NAV2: variants seen among roughly 807,000 people sequenced by gnomAD.
NAV2 encodes helicase, APC down-regulated 1.
A neutral mutation model predicts 223.2 loss-of-function variants in NAV2; 54 were observed. That is an observed-to-expected ratio of 0.24 (90% confidence interval 0.19 to 0.30). The LOEUF is 0.30. Ranked by LOEUF, NAV2 falls within the 10% of genes least tolerant of loss-of-function variation. The pLI is 1.00. For synonymous variants in NAV2, 1,279 were observed against 1,239.3 expected, an observed-to-expected ratio of 1.03 and a Z score of -0.67; for missense variants, 2,806 against 3,147.5, an observed-to-expected ratio of 0.89 and a Z score of 2.60.
rs368451551 is a variant in NAV2, at chr11:19,927,774, A to T, written c.932-5402A>T. ...TTTAGAACAGACTAGAGTAGCATATATCAGAGTTTATTATACATAATAAGA... is the reference window on the plus strand; with the variant it reads ...TTTAGAACAGACTAGAGTAGCATATTTCAGAGTTTATTATACATAATAAGA... On this transcript the variant is annotated intron_variant, in intron 6 of 37. Coordinates refer to ENST00000349880, the MANE Select transcript of NAV2 (RefSeq NM_145117.5). 9.8e-5 allele frequency among the ~76,000 whole-genome samples: 15 copies of T among 152,304 alleles called. No homozygotes were observed. The East Asian group carries it at 1.9e-3, about 20-fold the overall frequency.
At chr11:19,396,069 G>A (rs1415094382) in intron 1 of NAV2, among the ~76,000 whole-genome samples, 1 of 152,172 alleles carries the variant, frequency 6.6e-6, no homozygotes, top group East Asian at 1.9e-4. Flanking sequence ...CTGGGATAAT[G>A]CATATGAAGT....
chr11:19,655,286 T>A (rs922960645), intron 1 of NAV2, among the ~76,000 whole-genome samples: 1 of 152,248 alleles, frequency 6.6e-6, no homozygotes, highest in Non-Finnish European at 1.5e-5. Flanking sequence ...GCTTTTGCAC[T>A]GTTGGTGGGA....
intron 1 of NAV2, among the ~76,000 whole-genome samples, chr11:19,432,494 G>A (rs1255229803): frequency 6.6e-6 from 1 of 152,152 alleles, no homozygotes; most frequent in Non-Finnish European, 1.5e-5. Context: ...AGAGTATGTT[G>A]GGAAAAAAAC....
chr11:19,661,276 T>A (rs1461652092), intron 1 of NAV2, among the ~76,000 whole-genome samples: 1 of 150,806 alleles, frequency 6.6e-6, no homozygotes, highest in Non-Finnish European at 1.5e-5. Context: ...CGTGTCCGAA[T>A]TTTTTTTCCT....
rs76144469 is a variant in NAV2 at position 20,015,196 on chromosome 11, G to C, written c.2769-20763G>C. Among the ~76,000 whole-genome samples the C allele has an allele frequency of 3.7e-3, 562 of 152,264 alleles. 1 individual carries two copies. Among genetic ancestry groups the C allele is most frequent in the African/African-American group, 0.013 (548 of 41,548 alleles). On this transcript the variant is annotated intron_variant, in intron 11 of 37. Transcript: ENST00000349880. The stretch of plus-strand genomic sequence containing the variant: ...TCTAAATAACCAGATTTATGATCAT[G>C]ACCAAATAGGCACGATAGCCTCACT...
rs1313123736 is a variant in NAV2, at chr11:19,587,980, CA to C, written c.75+236954del. Among the ~76,000 whole-genome samples the C allele has an allele frequency of 2.0e-5, 3 of 152,194 alleles. No individual in the cohort carries two copies. In the East Asian group the frequency reaches 5.8e-4, roughly 29 times the overall value. The stretch of plus-strand genomic sequence containing the variant: ...CCATTGGGTCTAGTACCTGGTCAAC[CA>C]TGAGGGCTGTCACCATCTTTGTCTG... On this transcript the variant is annotated intron_variant, in intron 1 of 37. Coordinates refer to the NAV2 transcript ENST00000360655.
At chr11:19,640,760 A>T (rs1333445995) in intron 1 of NAV2, among the ~76,000 whole-genome samples, 2 of 152,202 alleles carry the variant, frequency 1.3e-5, no homozygotes, top group Admixed American at 6.5e-5. Flanking sequence ...AGGAGAGATG[A>T]TAGCTGACTT....
chr11:19,692,763 C>T (rs952793438), intron 1 of NAV2, among the ~76,000 whole-genome samples: 1 of 152,016 alleles, frequency 6.6e-6, no homozygotes, highest in South Asian at 2.1e-4. Flanking sequence ...GTTCTAGACT[C>T]AGGGGATGCA....
intron 10 of NAV2, among the ~76,000 whole-genome samples, chr11:19,949,581 A>T (rs2047217210): frequency 6.6e-6 from 1 of 152,192 alleles, no homozygotes; most frequent in African/African-American, 2.4e-5. Context: ...CTTGCTGCTC[A>T]GCTGACACCT....
At chr11:20,086,227 T>A (rs1332765356) in intron 26 of NAV2, among the ~76,000 whole-genome samples, 2 of 152,144 alleles carry the variant, frequency 1.3e-5, no homozygotes, top group African/African-American at 4.8e-5. Context: ...CAAAGATCAG[T>A]CTCTGTTCTG....
intron 6 of NAV2, among the ~76,000 whole-genome samples, 174 bp downstream of exon 6, chr11:19,892,768 G>C (rs921566338): frequency 6.6e-6 from 1 of 152,182 alleles, no homozygotes; most frequent in African/African-American, 2.4e-5. Context: ...TTAATAAAGT[G>C]GGGGAAAATA....
intron 1 of NAV2, among the ~76,000 whole-genome samples, chr11:19,716,940 A>T (rs2050361095): frequency 6.6e-6 from 1 of 152,204 alleles, no homozygotes; most frequent in Non-Finnish European, 1.5e-5. Context: ...TGAGGCAAAG[A>T]CCAGTTTGGT....
chr11:19,750,703 C>T (rs1345219921), intron 1 of NAV2, among the ~76,000 whole-genome samples: 2 of 152,186 alleles, frequency 1.3e-5, no homozygotes, highest in African/African-American at 4.8e-5. Flanking sequence ...AGAGGGAAAA[C>T]AACTTGCACA....
rs749937303 is a variant in NAV2 at position 19,933,422 on chromosome 11, C to T, written c.1178C>T (p.Pro393Leu). The T allele has an allele frequency of 3.2e-5, 50 of 1,583,350 alleles. No individual in the cohort carries two copies. Among genetic ancestry groups the T allele is most frequent in the East Asian group, 1.6e-4 (7 of 44,522 alleles). Reference protein sequence around the residue: ...APRPTPEAMKPAPNNQKSMLE... With the variant: ...APRPTPEAMKLAPNNQKSMLE... Reference sequence around the variant, plus strand: ...AGGCCCACACCTGAAGCCATGAAGCCGGCCCCCAACAATCAGAAGTCCATG... The same window carrying T: ...AGGCCCACACCTGAAGCCATGAAGCTGGCCCCCAACAATCAGAAGTCCATG... The change falls in exon 7 of 38, where the codon CCG (proline) becomes CTG (leucine). Residue 393 changes from proline (P) to leucine (L), a missense_variant. By Grantham distance (98) the Pro-to-Leu change is moderately conservative (BLOSUM62 -3). Coordinates refer to ENST00000349880, the MANE Select transcript of NAV2 (RefSeq NM_145117.5). The surrounding 1 kb of genome is among the most constrained non-coding windows in gnomAD (Gnocchi z 4.3).
chr11:19,382,799 G>T (rs1017241027), intron 1 of NAV2, among the ~76,000 whole-genome samples: 1 of 152,204 alleles, frequency 6.6e-6, no homozygotes, highest in African/African-American at 2.4e-5. Flanking sequence ...GGTACAGAGA[G>T]ATTAAGTGGC....
intron 1 of NAV2, among the ~76,000 whole-genome samples, chr11:19,589,008 G>A (rs1017188181): frequency 3.9e-5 from 6 of 152,190 alleles, no homozygotes; most frequent in Non-Finnish European, 5.9e-5. Context: ...AGAGGGCACC[G>A]TCCAGCCCCT....
chr11:20,040,474 G>C (rs2056808654), intron 12 of NAV2, among the ~76,000 whole-genome samples: 1 of 152,144 alleles, frequency 6.6e-6, no homozygotes, highest in East Asian at 1.9e-4. Context: ...CAGATAAGTA[G>C]GGCAATGTCT....
intron 1 of NAV2, among the ~76,000 whole-genome samples, chr11:19,478,977 G>A (rs1345890491): frequency 6.6e-6 from 1 of 152,186 alleles, no homozygotes; most frequent in African/African-American, 2.4e-5. Context: ...GCTTCCAGAG[G>A]TCTCCCCTGA....
At chr11:19,920,523 G>A (rs146246240) in intron 6 of NAV2, among the ~76,000 whole-genome samples, 211 of 152,198 alleles carry the variant, frequency 1.4e-3, no homozygotes, top group African/African-American at 4.8e-3. Context: ...TCCTGACCTC[G>A]TGACCTACCC....
Sources: gnomAD v4.1 joint callset for allele counts (sites outside exome capture counted in the v4.1 genomes callset) on GRCh38, gnomAD v4.1.1 for gene constraint, Gnocchi (gnomAD v3.1) non-coding constraint, MANE v1.5 for transcripts, NCBI Gene and HGNC (gene_info 2026-07-23, HGNC 2026-07-21) for gene names.